The following RYR1 variants were observed in gnomAD, a reference collection of about 807,000 sequenced individuals.
RYR1 encodes central core disease of muscle.
Under a neutral mutation model 583.5 loss-of-function variants are expected in RYR1, and 342 were observed. The ratio of observed to expected loss-of-function variants is 0.59; its 90% CI spans 0.54 to 0.64. The LOEUF (loss-of-function observed/expected upper bound fraction) is 0.64. RYR1 is among the 30% of genes least tolerant of loss of function. The pLI, the probability that RYR1 is intolerant of heterozygous loss-of-function variation, is 0.00. For synonymous variants in RYR1, 2,791 were observed against 2,822.5 expected, an observed-to-expected ratio of 0.99 and a Z score of 0.35; for missense variants, 6,032 against 6,917.2, an observed-to-expected ratio of 0.87 and a Z score of 4.54.
chr19:38,502,751 T>TGGGGCAGGGGCAGGGGCA (rs71165552), intron 48 of RYR1, 24 bp downstream of exon 48: 14,699 of 1,045,810 alleles, frequency 0.014, 391 homozygotes, highest in South Asian at 0.031. Flanking sequence ...GGCTTCAGGG[T>TGGGGCAGGGGCAGGGGCA]GGGGCAGGGG....
At chr19:38,481,408 C>T (rs1307292700) in intron 31 of RYR1, among the ~76,000 whole-genome samples, 1 of 151,906 alleles carries the variant, frequency 6.6e-6, no homozygotes, top group Non-Finnish European at 1.5e-5. Context: ...GAATATAAAA[C>T]GTGCTGGGAT....
At chr19:38,557,905 G>T (rs1478050013) in intron 89 of RYR1, among the ~76,000 whole-genome samples, 1 of 151,650 alleles carries the variant, frequency 6.6e-6, no homozygotes, top group Non-Finnish European at 1.5e-5. Flanking sequence ...GCTTGAACCC[G>T]GGAGGCGGAG....
In RYR1 at chr19:38,458,107, G is replaced by A. The variant is rs748492214; in HGVS notation, c.1982G>A (p.Trp661Ter). The change falls in exon 18 of 106, where the codon TGG (tryptophan) becomes TAG (stop). Residue 661 changes from tryptophan (W) to a stop codon, truncating the protein, a stop_gained. Coordinates refer to ENST00000359596, the MANE Select transcript of RYR1 (RefSeq NM_000540.3). LOFTEE classifies it high-confidence loss of function. ...GAAGGCACCACGCAGTACAGCAAATGGTACTTTGAGGTGATGGTGGACGAG... is the reference window on the plus strand; with the variant it reads ...GAAGGCACCACGCAGTACAGCAAATAGTACTTTGAGGTGATGGTGGACGAG... Reference protein sequence around the residue: ...RAEGTTQYSKWYFEVMVDEVT... With the variant: ...RAEGTTQYSK 2 of 1,613,950 alleles carry A rather than the reference G, an allele frequency of 1.2e-6. No individual in the cohort carries two copies. The highest frequency in any genetic ancestry group is 1.7e-6 in the Non-Finnish European group (2 of 1,180,020).
At chr19:38,533,783 CA>C (rs1307585464) in intron 78 of RYR1, among the ~76,000 whole-genome samples, 6,095 of 76,202 alleles carry the variant, frequency 0.08, 134 homozygotes, top group Middle Eastern at 0.15. Context: ...GACTCCATCT[CA>C]AAAAAAAAAA....
intron 96 of RYR1, among the ~76,000 whole-genome samples, chr19:38,574,453 T>C (rs1292289125): frequency 6.7e-6 from 1 of 150,076 alleles, no homozygotes. Context: ...CCTATATCTT[T>C]AGAAAAAAAA....
rs1966915687 is a variant in RYR1, at chr19:38,448,633, T to A, written c.958-16T>A. 1 of 1,613,986 alleles carries A rather than the reference T, an allele frequency of 6.2e-7. No individual in the cohort carries two copies. The highest frequency in any genetic ancestry group is 8.5e-7 in the Non-Finnish European group (1 of 1,180,016). On this transcript the variant is annotated splice_polypyrimidine_tract_variant and intron_variant, in intron 10 of 105. Coordinates refer to ENST00000359596, the MANE Select transcript of RYR1 (RefSeq NM_000540.3). The stretch of plus-strand genomic sequence containing the variant: ...CACAGGCAGAGGAGGCTGACCTGTG[T>A]CCCCTGCCCCTGTAGGAGAAGCTGG...
intron 101 of RYR1, among the ~76,000 whole-genome samples, 196 bp from the exon 102 acceptor site, chr19:38,584,747 C>T (rs1036726364): frequency 1.3e-5 from 2 of 149,132 alleles, no homozygotes; most frequent in Non-Finnish European, 1.5e-5. Flanking sequence ...CCCCCCTGCC[C>T]GTGCTGTTCC....
chr19:38,482,532 C>T (rs1969061994), intron 31 of RYR1, among the ~76,000 whole-genome samples: 1 of 152,068 alleles, frequency 6.6e-6, no homozygotes, highest in African/African-American at 2.4e-5. Context: ...CTCACTGCAG[C>T]CTCGACCTCC....
chr19:38,559,850 C>T (rs996687991), intron 89 of RYR1, among the ~76,000 whole-genome samples: 1 of 151,930 alleles, frequency 6.6e-6, no homozygotes, highest in South Asian at 2.1e-4. Context: ...TAACTCGTGA[C>T]CAGCATCTTT....
rs780873821 is a variant in RYR1 at position 38,586,574 on chromosome 19, C to A, written c.15019C>A (p.Gln5007Lys). ...INKDETEHTG[Q>K]ESYVWKMYQE... ...CAAGGATGAGACAGAACACACGGGTCAGGTAAGGGGGTGTTAATGGGAGGA... is the reference window on the plus strand; with the variant it reads ...CAAGGATGAGACAGAACACACGGGTAAGGTAAGGGGGTGTTAATGGGAGGA... The change falls in exon 105 of 106, where the codon CAG (glutamine) becomes AAG (lysine). Residue 5007 changes from glutamine to lysine, a missense_variant and splice_region_variant. Coordinates refer to ENST00000359596, the MANE Select transcript of RYR1 (RefSeq NM_000540.3). 1 of 1,614,024 alleles carries A rather than the reference C, an allele frequency of 6.2e-7. No individual in the cohort carries two copies. Among genetic ancestry groups the A allele is most frequent in the Non-Finnish European group, 8.5e-7 (1 of 1,179,910 alleles).
Position 38,561,057 on chromosome 19 carries a change from A to T in RYR1, c.12283-56A>T. 3.7e-6 allele frequency: 5 copies of T among 1,357,080 alleles called. No individual in the cohort carries two copies. Among genetic ancestry groups the T allele is most frequent in the Non-Finnish European group, 4.1e-6 (4 of 983,390 alleles). 84.1% of individuals were successfully genotyped at this position (1,357,080 alleles called of 1,614,324 possible). On this transcript the variant is annotated intron_variant, in intron 89 of 105. Coordinates refer to ENST00000359596, the MANE Select transcript of RYR1 (RefSeq NM_000540.3). The surrounding 1 kb of genome is among the most constrained non-coding windows in gnomAD (Gnocchi z 4.8). ...CCTTGTCTTAAAAAAAAAAAAAAAAAGAGAGAGAATTGAGGCTCTCCAGGT... is the reference window on the plus strand; with the variant it reads ...CCTTGTCTTAAAAAAAAAAAAAAAATGAGAGAGAATTGAGGCTCTCCAGGT...
In RYR1 at chr19:38,440,725, G is replaced by T. The variant is rs770059926; in HGVS notation, c.46-20G>T. On this transcript the variant is annotated intron_variant, in intron 1 of 105. Coordinates refer to ENST00000359596, the MANE Select transcript of RYR1 (RefSeq NM_000540.3). ...ATCCGGGCCAGGCCCCCCTGGAGAC[G>T]CTGCCCCTCGGTTCCGCAGGACGAT... 8.7e-6 allele frequency: 14 copies of T among 1,603,374 alleles called. No individual in the cohort carries two copies. The highest frequency in any genetic ancestry group is 1.1e-5 in the Non-Finnish European group (13 of 1,173,890).
At chr19:38,547,078 G>T (rs1185691123) in intron 88 of RYR1, among the ~76,000 whole-genome samples, 4 of 148,608 alleles carry the variant, frequency 2.7e-5, no homozygotes, top group African/African-American at 9.9e-5. Context: ...TCGCTCTGCC[G>T]CTCAGGCTGG....
chr19:38,489,003 T>G (rs950198873), intron 34 of RYR1, among the ~76,000 whole-genome samples, 174 bp from the exon 35 acceptor site: 2 of 152,004 alleles, frequency 1.3e-5, no homozygotes, highest in Non-Finnish European at 2.9e-5. Context: ...TGGGTGGATC[T>G]TAAGGAGGGT....
rs768343466 is a variant in RYR1 at position 38,499,761 on chromosome 19, G to A, written c.7154G>A (p.Arg2385His). 3.7e-5 allele frequency: 59 copies of A among 1,601,718 alleles called. No individual in the cohort carries two copies. Among genetic ancestry groups the A allele is most frequent in the Non-Finnish European group, 4.9e-5 (58 of 1,178,946 alleles). The change falls in exon 44 of 106, where the codon CGC becomes CAC. Residue 2385 changes from arginine (R) to histidine (H), a missense_variant. Transcript: ENST00000359596. The surrounding 1 kb of genome is among the most constrained non-coding windows in gnomAD (Gnocchi z 7.3). ...CTGGCTGCCATCGAAGAGGCCATCCGCATCTCCGAGGACCCTGCGAGGGAT... is the reference window on the plus strand; with the variant it reads ...CTGGCTGCCATCGAAGAGGCCATCCACATCTCCGAGGACCCTGCGAGGGAT... Reference protein sequence around the residue: ...GLLAAIEEAIRISEDPARDGP... With the variant: ...GLLAAIEEAIHISEDPARDGP...
rs75473307 is a variant in RYR1, at chr19:38,487,063, A to G, written c.5547+861A>G. Among the ~76,000 whole-genome samples the G allele has an allele frequency of 8.3e-3, 1,261 of 152,108 alleles. 20 individuals are homozygous for G. Among genetic ancestry groups the G allele is most frequent in the African/African-American group, 0.029 (1,192 of 41,486 alleles). On this transcript the variant is annotated intron_variant, in intron 34 of 105. Coordinates refer to ENST00000359596, the MANE Select transcript of RYR1 (RefSeq NM_000540.3). The stretch of plus-strand genomic sequence containing the variant: ...CACCTACCCATTTATGTATTAATCT[A>G]TCTTTCCTTCCGTAGGTCCAATAAT...
At chr19:38,538,240 A>G (rs1298994437) in intron 84 of RYR1, among the ~76,000 whole-genome samples, 4 of 152,156 alleles carry the variant, frequency 2.6e-5, no homozygotes, top group Admixed American at 1.3e-4. Flanking sequence ...TCTACTAAAA[A>G]TATAAAAAAA....
chr19:38,509,453 T>A (rs199910838), intron 58 of RYR1, among the ~76,000 whole-genome samples: 9,366 of 98,896 alleles, frequency 0.095, 273 homozygotes, highest in East Asian at 0.2. Flanking sequence ...TATTATTATT[T>A]TTTTTTTTTT....
intron 5 of RYR1, among the ~76,000 whole-genome samples, 159 bp downstream of exon 5, chr19:38,443,955 C>CAG (rs1344651467): frequency 1.3e-5 from 2 of 152,182 alleles, no homozygotes; most frequent in African/African-American, 4.8e-5. Flanking sequence ...GACAGGGAGA[C>CAG]AGACACACGT....
Sources: allele counts gnomAD v4.1 joint callset (sites outside exome capture counted in the v4.1 genomes callset), GRCh38; gene constraint gnomAD v4.1.1; non-coding constraint Gnocchi (gnomAD v3.1); transcripts MANE v1.5; gene names NCBI Gene and HGNC (gene_info 2026-07-23, HGNC 2026-07-21).